STT3A: variants seen among roughly 807,000 people sequenced by gnomAD.
STT3A encodes dolichyl-diphosphooligosaccharide--protein glycosyltransferase subunit STT3A.
STT3A carries 34 observed loss-of-function variants against 89.2 expected under a neutral mutation model. The ratio of observed to expected loss-of-function variants is 0.38; its 90% confidence interval spans 0.29 to 0.51. The LOEUF (loss-of-function observed/expected upper bound fraction) is 0.51. Ranked by LOEUF, STT3A falls within the 20% of genes least tolerant of loss-of-function variation. STT3A has a pLI of 0.89. For synonymous variants in STT3A, 282 were observed against 310.3 expected, an observed-to-expected ratio of 0.91 and a Z score of 0.96; for missense variants, 555 against 889.5, an observed-to-expected ratio of 0.62 and a Z score of 4.78.
At position 125,605,626 on chromosome 11, in the gene STT3A, C is replaced by T. The variant is rs1307603767; in HGVS notation, c.509-3C>T. 2 of 1,611,796 alleles carry T rather than the reference C, an allele frequency of 1.2e-6. No individual in the cohort carries two copies. Among genetic ancestry groups the T allele is most frequent in the Admixed American group, 3.3e-5 (2 of 59,794 alleles). Reference sequence around the variant, plus strand: ...TTGAATTTTTGGTGTGTCCTTTCTGCAGGGATTGCCATCTTTTGCATGCTA... The same window carrying T: ...TTGAATTTTTGGTGTGTCCTTTCTGTAGGGATTGCCATCTTTTGCATGCTA... On this transcript the variant is annotated splice_region_variant and splice_polypyrimidine_tract_variant and intron_variant, in intron 6 of 17. Coordinates refer to ENST00000392708, the MANE Select transcript of STT3A (RefSeq NM_152713.5).
At chr11:125,594,682 G>C (rs911618447) in intron 1 of STT3A, among the ~76,000 whole-genome samples, 1 of 151,274 alleles carries the variant, frequency 6.6e-6, no homozygotes, top group Non-Finnish European at 1.5e-5. Context: ...ATTCATATCT[G>C]TCATGTGATT....
At chr11:125,606,262 G>T in intron 7 of STT3A, 39 bp from the exon 8 acceptor site, 1 of 1,586,700 alleles carries the variant, frequency 6.3e-7, no homozygotes, top group South Asian at 1.1e-5. Flanking sequence ...GTCTGAGGAG[G>T]CATACTCAGA....
Position 125,618,506 on chromosome 11 carries a change from C to T in STT3A, c.1908C>T (p.Asn636=), listed in dbSNP as rs757983379. The T allele has an allele frequency of 1.9e-6, 3 of 1,614,112 alleles. No homozygotes were observed. The highest frequency in any genetic ancestry group is 1.3e-5 in the African/African-American group (1 of 75,012). ...GTGAAGGTTCTCCAGTGCTGCTCAA[C>T]TGCCTCATGTACAAGATGTGTTACT... ...VDREGSPVLL[N]CLMYKMCYYR... The change falls in exon 16 of 18, where the codon AAC becomes AAT. Residue 636 remains asparagine (N), a synonymous_variant. Coordinates refer to ENST00000392708, the MANE Select transcript of STT3A (RefSeq NM_152713.5).
At chr11:125,594,925 A>C (rs915973647) in intron 1 of STT3A, 1 of 152,200 alleles carries the variant, frequency 6.6e-6, no homozygotes, top group African/African-American at 2.4e-5. Flanking sequence ...CAGTCGTTAC[A>C]GTCTGATATA....
intron 9 of STT3A, among the ~76,000 whole-genome samples, chr11:125,608,809 C>T (rs1939914683): frequency 6.6e-6 from 1 of 152,210 alleles, no homozygotes; most frequent in African/African-American, 2.4e-5. Context: ...TTCAGCATAG[C>T]AGAAAATATC....
chr11:125,597,645 T>A (rs1939535582), intron 3 of STT3A, among the ~76,000 whole-genome samples: 1 of 152,118 alleles, frequency 6.6e-6, no homozygotes, highest in Non-Finnish European at 1.5e-5. Flanking sequence ...GACTTGAGAT[T>A]CATGACATTT....
intron 15 of STT3A, among the ~76,000 whole-genome samples, chr11:125,615,915 T>C (rs536869430): frequency 1.5e-4 from 23 of 152,246 alleles, no homozygotes; most frequent in African/African-American, 5.3e-4. Flanking sequence ...GGCACATACT[T>C]GTAATCTCAG....
intron 1 of STT3A, among the ~76,000 whole-genome samples, chr11:125,595,336 G>T (rs1471536497): frequency 6.6e-6 from 1 of 151,890 alleles, no homozygotes; most frequent in East Asian, 1.9e-4. Context: ...ACAGTTTTTT[G>T]TGGAGATGGG....
At chr11:125,592,676 G>T, upstream of STT3A, 1 of 355,780 alleles carries the variant, frequency 2.8e-6, no homozygotes, top group South Asian at 2.1e-5. Flanking sequence ...ATACAGACCT[G>T]CCTCTAGACT....
intron 5 of STT3A, 70 bp downstream of exon 5, chr11:125,603,018 G>T (rs1939731394): frequency 6.4e-7 from 1 of 1,574,210 alleles, no homozygotes; most frequent in African/African-American, 1.3e-5. Flanking sequence ...ATGCTGGAGG[G>T]TGGGGGACAG....
At chr11:125,620,468 C>T (rs973529618) in intron 17 of STT3A, among the ~76,000 whole-genome samples, 1 of 152,164 alleles carries the variant, frequency 6.6e-6, no homozygotes, top group Non-Finnish European at 1.5e-5. Flanking sequence ...TCTTCTCTCT[C>T]TGAAGAACTT....
intron 15 of STT3A, among the ~76,000 whole-genome samples, chr11:125,615,227 A>G (rs1382635189): frequency 1.3e-5 from 2 of 152,130 alleles, no homozygotes; most frequent in Non-Finnish European, 2.9e-5. Flanking sequence ...ACATTGCGCC[A>G]TTGGACTCCA....
chr11:125,605,771 C>A, intron 7 of STT3A, 36 bp downstream of exon 7: 1 of 1,538,226 alleles, frequency 6.5e-7, no homozygotes, highest in Non-Finnish European at 9.0e-7. Context: ...TTTTAAAGTT[C>A]TCTAAATACT....
At position 125,611,500 on chromosome 11, in the gene STT3A, T is replaced by C. The variant is rs749450210; in HGVS notation, c.1190T>C (p.Met397Thr). 9.9e-6 allele frequency: 16 copies of C among 1,613,966 alleles called. No homozygotes were observed. The highest frequency in any genetic ancestry group is 1.4e-5 in the Non-Finnish European group (16 of 1,179,904). Residue 397 changes from methionine to threonine, a missense_variant, in exon 11 of 18, where the codon ATG becomes ACG. Coordinates refer to ENST00000392708, the MANE Select transcript of STT3A (RefSeq NM_152713.5). ...IFIIMYGVTS[M>T]YFSAVMVRLM... ...ATCATCATGTATGGTGTGACCAGCA[T>C]GTACTTTTCAGCTGTAATGGTGAGG... is the stretch of plus-strand genomic sequence containing the variant.
intron 9 of STT3A, among the ~76,000 whole-genome samples, chr11:125,608,978 A>G (rs1467459382): frequency 1.3e-5 from 2 of 152,102 alleles, no homozygotes; most frequent in East Asian, 1.9e-4. Flanking sequence ...ATCTAATCCC[A>G]TGGAAACTAA....
At chr11:125,606,593 G>A in intron 8 of STT3A, 128 bp downstream of exon 8, 1 of 1,025,352 alleles carries the variant, frequency 9.8e-7, no homozygotes, top group African/African-American at 1.6e-5. Flanking sequence ...AACTACTTGT[G>A]TTAGTTGAAG....
chr11:125,595,996 T>C lies in STT3A; in HGVS notation c.81T>C (p.Ala27=), dbSNP rs758894451. The change falls in exon 2 of 18, where the codon GCT becomes GCC. Residue 27 remains alanine, a synonymous_variant. Transcript: ENST00000392708. The part of the protein sequence containing the change: ...LLKLLILSMA[A]VLSFSTRLFA... ...AGCTTCTCATTCTGTCAATGGCTGC[T>C]GTATTATGTGAGTGTGCATGTGAAC... The C allele has an allele frequency of 6.2e-7, 1 of 1,611,884 alleles. No homozygotes were observed. The highest frequency in any genetic ancestry group is 8.5e-7 in the Non-Finnish European group (1 of 1,178,384).
At chr11:125,618,602 AG>A in intron 16 of STT3A, 41 bp downstream of exon 16, 6 of 1,554,228 alleles carry the variant, frequency 3.9e-6, no homozygotes, top group Non-Finnish European at 5.3e-6. Flanking sequence ...TAGTAATAAT[AG>A]TGATTACTAA....
chr11:125,621,101 G>C lies in STT3A; in HGVS notation c.*291G>C, dbSNP rs1940336558. 3.5e-6 allele frequency: 1 copy of C among 288,824 alleles called. No homozygotes were observed. The allele number at this position is 288,824 out of a possible 1,614,324, so 17.9% of individuals were successfully genotyped here. On this transcript the variant is annotated 3_prime_UTR_variant, in exon 18 of 18. Transcript: ENST00000392708. The stretch of plus-strand genomic sequence containing the variant: ...GTTTTGACTTATAACTGATTTGAGG[G>C]AGGCAAAAGCTATGCTAGGCTGCCA...
Sources: allele counts gnomAD v4.1 joint callset (sites outside exome capture counted in the v4.1 genomes callset), GRCh38; gene constraint gnomAD v4.1.1; transcripts MANE v1.5; gene names NCBI Gene and HGNC (gene_info 2026-07-23, HGNC 2026-07-21).